ARHGEF10: variants seen among roughly 807,000 people sequenced by gnomAD.
ARHGEF10 encodes the protein Rho guanine nucleotide exchange factor (GEF) 10.
A neutral mutation model predicts 147.4 loss-of-function variants in ARHGEF10; 140 were observed. The observed-to-expected ratio is 0.95, with a 90% confidence interval of 0.83 to 1.09. ARHGEF10 has a LOEUF of 1.09. Among genes scored for constraint, ARHGEF10 ranks in the 50% least tolerant of loss-of-function variants. The pLI is 0.00. For missense variants in ARHGEF10, 2,222 were observed against 1,752.7 expected (o/e 1.27, Z -4.78); for synonymous variants, 902 against 695.8 (o/e 1.30, Z -4.67).
chr8:1,823,443 A>G (rs1171313216), upstream of ARHGEF10, among the ~76,000 whole-genome samples: 1 of 134,450 alleles, frequency 7.4e-6, no homozygotes, highest in Non-Finnish European at 1.6e-5. Flanking sequence ...GGGAGGGGCG[A>G]TGTTCTGGGG....
At position 1,842,319 on chromosome 8, in the gene ARHGEF10, C is replaced by T. The variant is rs565650254; in HGVS notation, c.-47-1034C>T. 2.0e-5 allele frequency among the ~76,000 whole-genome samples: 3 copies of T among 152,300 alleles called. No homozygotes were observed. In the East Asian group the frequency reaches 5.8e-4, roughly 29 times the overall value. On this transcript the variant is annotated intron_variant, in intron 1 of 28. Transcript: ENST00000349830. ...TAGTGTCTGTCTGCTTCTGAGAGTG[C>T]CAGAGCCAGTGGCCAGCTCTCTGCA...
At chr8:1,865,585 G>A (rs1339466447) in intron 5 of ARHGEF10, among the ~76,000 whole-genome samples, 4 of 145,660 alleles carry the variant, frequency 2.7e-5, no homozygotes, top group African/African-American at 5.1e-5. Flanking sequence ...GGGGCATCCC[G>A]CAGCACCCAC....
At chr8:1,857,653 T>G (rs1563184993) in intron 2 of ARHGEF10, among the ~76,000 whole-genome samples, 1 of 152,038 alleles carries the variant, frequency 6.6e-6, no homozygotes, top group African/African-American at 2.4e-5. Flanking sequence ...CTTCTTACCT[T>G]GTGATCTGCC....
intron 14 of ARHGEF10, among the ~76,000 whole-genome samples, chr8:1,896,757 A>G (rs1357701541): frequency 2.6e-5 from 4 of 152,234 alleles, no homozygotes; most frequent in African/African-American, 7.2e-5. Flanking sequence ...TCGGTATGGT[A>G]TTAGGAATCA....
chr8:1,861,275 G>A (rs1806107315), intron 4 of ARHGEF10, among the ~76,000 whole-genome samples: 2 of 152,202 alleles, frequency 1.3e-5, no homozygotes, highest in Admixed American at 1.3e-4. Context: ...AGCTGTGTCT[G>A]CAGAGCCACA....
chr8:1,896,182 A>T, intron 13 of ARHGEF10, 151 bp from the exon 14 acceptor site: 1 of 792,848 alleles, frequency 1.3e-6, no homozygotes, highest in South Asian at 1.4e-5. Flanking sequence ...TAAAGAAAAA[A>T]AATCACACAG....
In ARHGEF10 at chr8:1,889,036, A is replaced by G. The variant is rs1461298992; in HGVS notation, c.1182+3329A>G. Reference sequence around the variant, plus strand: ...AGTGCAGTGAGAGTTGTGAGGAAACATGGAGTGGGGTGCGGGTCATGAGGA... The same window carrying G: ...AGTGCAGTGAGAGTTGTGAGGAAACGTGGAGTGGGGTGCGGGTCATGAGGA... On this transcript the variant is annotated intron_variant, in intron 11 of 28. Coordinates refer to ENST00000349830, the MANE Select transcript of ARHGEF10 (RefSeq NM_014629.4). Among the ~76,000 whole-genome samples, 16 of 83,846 alleles carry G rather than the reference A, an allele frequency of 1.9e-4. 3 individuals are homozygous for G. Among genetic ancestry groups the G allele is most frequent in the Admixed American group, 1.8e-3 (15 of 8,402 alleles). 55.0% of individuals were successfully genotyped at this position (83,846 alleles called of 152,430 possible).
chr8:1,936,374 G>T lies in ARHGEF10; in HGVS notation c.3222+2432G>T, dbSNP rs191979553. 1.2e-3 allele frequency among the ~76,000 whole-genome samples: 177 copies of T among 152,248 alleles called. 1 individual carries two copies. Among genetic ancestry groups the T allele is most frequent in the African/African-American group, 3.9e-3 (162 of 41,538 alleles). On this transcript the variant is annotated intron_variant, in intron 26 of 28. Transcript: ENST00000349830. ...TACAAAAAATATATAAGTTAGCTGG[G>T]CACGGTAGTGCATGCCTGTAGGATA...
At chr8:1,861,766 T>TCCA (rs1421476530) in intron 4 of ARHGEF10, among the ~76,000 whole-genome samples, 4 of 152,188 alleles carry the variant, frequency 2.6e-5, no homozygotes, top group African/African-American at 9.7e-5. Context: ...GTCTGCATGA[T>TCCA]CCACGCTGCT....
chr8:1,913,965 G>A (rs145021023), intron 18 of ARHGEF10, among the ~76,000 whole-genome samples: 191 of 152,304 alleles, frequency 1.3e-3, no homozygotes, highest in Middle Eastern at 3.4e-3. Context: ...GAACTTCCAG[G>A]CAAACGCGGA....
rs965820954 is a variant in ARHGEF10, at chr8:1,864,579, G to A, written c.545+143G>A. ...GTCCCAACCCCACCTCCTGCCTCGG[G>A]TCCCTCCCAGGCGAGTGTCCCTGGA... On this transcript the variant is annotated intron_variant, in intron 5 of 28. Transcript: ENST00000349830. 1.6e-4 allele frequency: 133 copies of A among 809,494 alleles called. No homozygotes were observed. The South Asian group carries it at 1.7e-3, about 11-fold the overall frequency. The allele number at this position is 809,494 out of a possible 1,614,324, so 50.1% of individuals were successfully genotyped here.
intron 11 of ARHGEF10, among the ~76,000 whole-genome samples, chr8:1,892,242 C>T (rs1350730495): frequency 6.7e-6 from 1 of 148,150 alleles, no homozygotes; most frequent in African/African-American, 2.5e-5. Flanking sequence ...GTGAATCAGT[C>T]AGTAGCAGCA....
chr8:1,853,864 G>A (rs1805341156), intron 2 of ARHGEF10, among the ~76,000 whole-genome samples: 1 of 152,274 alleles, frequency 6.6e-6, no homozygotes, highest in Admixed American at 6.5e-5. Context: ...TCGTCCCTGT[G>A]CTGGCCTCTG....
At chr8:1,923,177 C>A in intron 19 of ARHGEF10, 98 bp downstream of exon 19, 1 of 1,002,978 alleles carries the variant, frequency 1.0e-6, no homozygotes, top group Non-Finnish European at 1.5e-6. Flanking sequence ...AGTGAGAATT[C>A]ATTTTGACTT....
chr8:1,854,307 G>A (rs1228738719), intron 2 of ARHGEF10, among the ~76,000 whole-genome samples: 5 of 152,018 alleles, frequency 3.3e-5, no homozygotes, highest in East Asian at 2.0e-4. Flanking sequence ...AGCTCCAGGC[G>A]GCCTCGCCCT....
intron 15 of ARHGEF10, among the ~76,000 whole-genome samples, chr8:1,901,555 T>C (rs1297304966): frequency 6.6e-6 from 1 of 152,264 alleles, no homozygotes; most frequent in Non-Finnish European, 1.5e-5. Flanking sequence ...CAAAGATAAG[T>C]AACAATTTCT....
chr8:1,841,488 G>A (rs1463345540), intron 1 of ARHGEF10, among the ~76,000 whole-genome samples: 1 of 152,170 alleles, frequency 6.6e-6, no homozygotes, highest in African/African-American at 2.4e-5. Context: ...GCATTGTTAA[G>A]CTACAGAGTG....
At position 1,933,864 on chromosome 8, in the gene ARHGEF10, A is replaced by C; in HGVS notation, c.3144A>C (p.Leu1048=). The C allele has an allele frequency of 1.2e-6, 2 of 1,614,162 alleles. No homozygotes were observed. The highest frequency in any genetic ancestry group is 3.3e-4 in the Middle Eastern group (2 of 6,062). Reference sequence around the variant, plus strand: ...TAGGCGTCCTACCAGTTAGAAGTCTACTCATGATGGAAGACACGTTGTGGG... The same window carrying C: ...TAGGCGTCCTACCAGTTAGAAGTCTCCTCATGATGGAAGACACGTTGTGGG... ...IKLGVLPVRS[L]LMMEDTLWAA... The change falls in exon 26 of 29, where the codon CTA becomes CTC. Residue 1048 remains leucine (L), a synonymous_variant. Coordinates refer to ENST00000349830, the MANE Select transcript of ARHGEF10 (RefSeq NM_014629.4).
rs1462145412 is a variant in ARHGEF10 at position 1,864,411 on chromosome 8, C to CT, written c.521dup (p.Ser175GlufsTer9). ...CACAGAAGATCGCCAGCCCAATTCT[C>CT]TGAGTTCCGAGGAGCCTCCAACCAG... On this transcript the variant is annotated frameshift_variant, in exon 5 of 29. Transcript: ENST00000349830. LOFTEE classifies it high-confidence loss of function. 3 of 1,614,096 alleles carry CT rather than the reference C, an allele frequency of 1.9e-6. No individual in the cohort carries two copies. The highest frequency in any genetic ancestry group is 2.7e-5 in the African/African-American group (2 of 74,932).
Sources: allele counts gnomAD v4.1 joint callset (sites outside exome capture counted in the v4.1 genomes callset), GRCh38; gene constraint gnomAD v4.1.1; transcripts MANE v1.5; gene names NCBI Gene and HGNC (gene_info 2026-07-23, HGNC 2026-07-21).